RNF212: variants seen among roughly 807,000 people sequenced by gnomAD.
The protein encoded by RNF212 is probable E3 SUMO-protein ligase RNF212.
A neutral mutation model predicts 34.7 loss-of-function variants in RNF212; 33 were observed. The observed-to-expected ratio is 0.95, with a 90% confidence interval of 0.72 to 1.27. The LOEUF (loss-of-function observed/expected upper bound fraction) is 1.27. Among genes scored for constraint, RNF212 ranks in the 50% most tolerant of loss-of-function variants. The pLI, the probability that RNF212 is intolerant of heterozygous loss-of-function variation, is 0.00. For missense variants in RNF212, 377 were observed against 362.2 expected (o/e 1.04, Z -0.33); for synonymous variants, 140 against 136.1 (o/e 1.03, Z -0.20).
At chr4:1,085,846 A>C in intron 5 of RNF212, 50 bp downstream of exon 5, 1 of 1,252,576 alleles carries the variant, frequency 8.0e-7, no homozygotes, top group Non-Finnish European at 1.2e-6. Flanking sequence ...ACCAATGCAC[A>C]TGGCAGTGGG....
intron 7 of RNF212, among the ~76,000 whole-genome samples, chr4:1,080,024 C>T (rs376362289): frequency 2.4e-4 from 37 of 152,194 alleles, no homozygotes; most frequent in African/African-American, 8.7e-4. Flanking sequence ...CCAACACCTG[C>T]CTGGAGCCTG....
chr4:1,080,444 C>T (rs1048088676), intron 7 of RNF212, among the ~76,000 whole-genome samples: 24 of 152,282 alleles, frequency 1.6e-4, no homozygotes, highest in South Asian at 8.3e-4. Context: ...GTGGTCCATC[C>T]GGACACTTGC....
In RNF212 at chr4:1,057,486, G is replaced by A. The variant is rs369246369; in HGVS notation, n.220+835C>T. On this transcript the variant is annotated intron_variant and non_coding_transcript_variant, in intron 4 of 4. Coordinates refer to the RNF212 transcript ENST00000503206. ...GGGGAGGTGAACTGTGGTCTGTTCC[G>A]GGGCTGGGGCTGAGTCCAGCCTGCC... Among the ~76,000 whole-genome samples the A allele has an allele frequency of 3.3e-5, 5 of 152,140 alleles. No homozygotes were observed. The South Asian group carries it at 6.2e-4, about 19-fold the overall frequency.
chr4:1,072,711 G>T lies in RNF212; in HGVS notation c.*163C>A. 7.2e-7 allele frequency: 1 copy of T among 1,386,740 alleles called. No homozygotes were observed. The highest frequency in any genetic ancestry group is 9.4e-7 in the Non-Finnish European group (1 of 1,065,000). 85.9% of individuals were successfully genotyped at this position (1,386,740 alleles called of 1,614,324 possible). On this transcript the variant is annotated 3_prime_UTR_variant, in exon 10 of 10. Coordinates refer to ENST00000433731, the MANE Select transcript of RNF212 (RefSeq NM_001131034.4). Reference sequence around the variant, plus strand: ...AAAAATATTGTCTCTAAAATTCAAAGGTCAAATATAAAATTACAAAGCAAA... The same window carrying T: ...AAAAATATTGTCTCTAAAATTCAAATGTCAAATATAAAATTACAAAGCAAA...
At chr4:1,062,285 C>T (rs1384272004) in intron 3 of RNF212, among the ~76,000 whole-genome samples, 1 of 152,170 alleles carries the variant, frequency 6.6e-6, no homozygotes, top group Non-Finnish European at 1.5e-5. Flanking sequence ...TCATACACCA[C>T]GACCAACCGG....
intron 3 of RNF212, among the ~76,000 whole-genome samples, chr4:1,092,975 A>C (rs629261): frequency 0.81 from 123,446 of 151,946 alleles, 50,899 homozygotes; most frequent in African/African-American, 0.95. Context: ...CATGAGCTCC[A>C]AACTACGCCA....
intron 3 of RNF212, chr4:1,093,759 TG>T: frequency 6.5e-7 from 1 of 1,536,158 alleles, no homozygotes. Context: ...CAAGGGGACT[TG>T]GTGTGAATGA....
chr4:1,075,363 C>A (rs1719113528), intron 8 of RNF212, among the ~76,000 whole-genome samples: 1 of 152,220 alleles, frequency 6.6e-6, no homozygotes, highest in South Asian at 2.1e-4. Context: ...GAGGGCCGTA[C>A]AGGAAGCATG....
chr4:1,073,535 C>G (rs752543934), intron 9 of RNF212, 64 bp downstream of exon 9: 11 of 1,225,204 alleles, frequency 9.0e-6, no homozygotes, highest in Non-Finnish European at 1.3e-5. Context: ...TAAACATGAC[C>G]TTTCAGGGAA....
chr4:1,079,690 T>A lies in RNF212; in HGVS notation c.465-2A>T, dbSNP rs1720012950. ...AGATCAACTTCCATCGACTCCAGTC[T>A]GTTAAACACATAGTGAAAGGCTTTG... On this transcript the variant is annotated splice_acceptor_variant, in intron 7 of 9. Transcript: ENST00000433731. LOFTEE classifies it high-confidence loss of function. 6.2e-7 allele frequency: 1 copy of A among 1,609,090 alleles called. No homozygotes were observed. Among genetic ancestry groups the A allele is most frequent in the African/African-American group, 1.3e-5 (1 of 74,846 alleles).
chr4:1,097,101 C>T (rs2153056749), intron 2 of RNF212, among the ~76,000 whole-genome samples: 1 of 152,134 alleles, frequency 6.6e-6, no homozygotes, highest in South Asian at 2.1e-4. Flanking sequence ...AGGACACGCT[C>T]CCTCCTCAAA....
At chr4:1,098,603 G>A (rs1723430360) in intron 2 of RNF212, among the ~76,000 whole-genome samples, 1 of 152,172 alleles carries the variant, frequency 6.6e-6, no homozygotes, top group Non-Finnish European at 1.5e-5. Context: ...AAAGGCACAA[G>A]CAGTATGTCC....
intron 8 of RNF212, among the ~76,000 whole-genome samples, chr4:1,077,763 G>C (rs1719561521): frequency 6.6e-6 from 1 of 152,210 alleles, no homozygotes; most frequent in Non-Finnish European, 1.5e-5. Context: ...CCAGGGGAGG[G>C]CTCCATAAGA....
At chr4:1,081,757 T>A in intron 5 of RNF212, 138 bp from the exon 6 acceptor site, 1 of 665,598 alleles carries the variant, frequency 1.5e-6, no homozygotes, top group Non-Finnish European at 2.7e-6. Flanking sequence ...TCACATGAAT[T>A]CAGCAGTTCC....
At chr4:1,073,538 T>A (rs1044089535) in intron 9 of RNF212, 61 bp downstream of exon 9, 2 of 1,234,006 alleles carry the variant, frequency 1.6e-6, no homozygotes, top group Non-Finnish European at 2.4e-6. Flanking sequence ...ACATGACCTT[T>A]CAGGGAATGC....
chr4:1,065,640 G>A (rs1718043098), intron 3 of RNF212, among the ~76,000 whole-genome samples: 1 of 152,032 alleles, frequency 6.6e-6, no homozygotes, highest in South Asian at 2.1e-4. Context: ...ATAATTTTTT[G>A]TAGAGAGGGG....
At chr4:1,089,600 G>A (rs1721863782) in intron 4 of RNF212, among the ~76,000 whole-genome samples, 1 of 152,062 alleles carries the variant, frequency 6.6e-6, no homozygotes, top group Non-Finnish European at 1.5e-5. Context: ...GATTTGGGAG[G>A]GGCCAGGGGT....
chr4:1,087,616 G>A (rs1721542052), intron 4 of RNF212, among the ~76,000 whole-genome samples: 2 of 150,994 alleles, frequency 1.3e-5, no homozygotes, highest in African/African-American at 4.9e-5. Context: ...AGGGGTGACA[G>A]AATGGGGTTG....
intron 3 of RNF212, among the ~76,000 whole-genome samples, chr4:1,092,318 GAA>G (rs1722313456): frequency 6.6e-6 from 1 of 152,210 alleles, no homozygotes; most frequent in African/African-American, 2.4e-5. Context: ...GGGCTGCAGG[GAA>G]AGTCTCCAAG....
Sources: allele counts gnomAD v4.1 joint callset (sites outside exome capture counted in the v4.1 genomes callset), GRCh38; gene constraint gnomAD v4.1.1; transcripts MANE v1.5; gene names NCBI Gene and HGNC (gene_info 2026-07-23, HGNC 2026-07-21).